The following EPHA6 variants were observed in gnomAD, a reference collection of about 807,000 sequenced individuals.
EPHA6 encodes the protein ephrin type-A receptor 6.
A neutral mutation model predicts 112.0 loss-of-function variants in EPHA6; 50 were observed. That is an observed-to-expected ratio of 0.45 (90% CI 0.36 to 0.56). The LOEUF (loss-of-function observed/expected upper bound fraction) is 0.56. EPHA6 is among the 20% of genes least tolerant of loss of function. The pLI, the probability that EPHA6 is intolerant of heterozygous loss-of-function variation, is 0.00. For missense variants in EPHA6, 1,280 were observed against 1,417.4 expected (o/e 0.90, Z 1.56); for synonymous variants, 529 against 490.7 (o/e 1.08, Z -1.03).
intron 3 of EPHA6, among the ~76,000 whole-genome samples, chr3:97,089,106 A>G (rs182255856): frequency 1.4e-4 from 22 of 152,270 alleles, no homozygotes; most frequent in African/African-American, 5.3e-4. Context: ...CTAATGTGGC[A>G]GAGTGGTCAC....
At chr3:97,004,072 C>G (rs2043783766) in intron 3 of EPHA6, among the ~76,000 whole-genome samples, 1 of 152,054 alleles carries the variant, frequency 6.6e-6, no homozygotes, top group Non-Finnish European at 1.5e-5. Flanking sequence ...GGTTCCATGT[C>G]TTTGCTATTG....
At chr3:97,288,064 A>AAAAAAAG (rs575159447) in intron 5 of EPHA6, among the ~76,000 whole-genome samples, 13 of 130,912 alleles carry the variant, frequency 9.9e-5, no homozygotes, top group South Asian at 7.2e-4. Context: ...GACGTAAAAA[A>AAAAAAAG]AAAAAAGAAA....
chr3:96,994,709 G>GTGTATATATATA (rs1363786371), intron 3 of EPHA6, among the ~76,000 whole-genome samples: 69 of 98,380 alleles, frequency 7.0e-4, no homozygotes, highest in African/African-American at 3.4e-3. Context: ...GTGTGTGTGT[G>GTGTATATATATA]TATATATATA....
chr3:97,382,132 T>C (rs1005433109), intron 5 of EPHA6, among the ~76,000 whole-genome samples: 1 of 152,090 alleles, frequency 6.6e-6, no homozygotes, highest in Non-Finnish European at 1.5e-5. Context: ...ATGTTTTAAA[T>C]GAGTCTGATA....
intron 3 of EPHA6, among the ~76,000 whole-genome samples, chr3:97,172,901 A>T (rs1354483116): frequency 1.3e-5 from 2 of 152,000 alleles, no homozygotes; most frequent in Non-Finnish European, 2.9e-5. Flanking sequence ...TTTATTGAGC[A>T]AACAGAATGC....
At chr3:96,916,869 A>G (rs1462400893) in intron 2 of EPHA6, among the ~76,000 whole-genome samples, 1 of 152,182 alleles carries the variant, frequency 6.6e-6, no homozygotes, top group African/African-American at 2.4e-5. Flanking sequence ...AACCAATACA[A>G]TTTGCAAAAT....
intron 11 of EPHA6, among the ~76,000 whole-genome samples, chr3:97,542,250 A>C (rs1577712866): frequency 6.6e-6 from 1 of 151,460 alleles, no homozygotes; most frequent in South Asian, 2.1e-4. Context: ...CTCTCCCCGC[A>C]CCCCACTACA....
intron 2 of EPHA6, among the ~76,000 whole-genome samples, chr3:96,922,454 A>AT (rs147427838): frequency 0.013 from 2,053 of 152,224 alleles, 50 homozygotes; most frequent in African/African-American, 0.045. Flanking sequence ...AATAGACTAC[A>AT]TTTTTCAGAT....
chr3:96,980,016 A>T (rs1210398989), intron 2 of EPHA6, among the ~76,000 whole-genome samples: 2 of 152,166 alleles, frequency 1.3e-5, no homozygotes, highest in South Asian at 2.1e-4. Context: ...GTTCACTCTG[A>T]TGGTGGTTTC....
intron 3 of EPHA6, among the ~76,000 whole-genome samples, chr3:97,197,300 G>A (rs1160748355): frequency 1.3e-5 from 2 of 151,794 alleles, no homozygotes; most frequent in African/African-American, 4.8e-5. Context: ...AGTCAGCGTG[G>A]CCCTGGATCT....
intron 1 of EPHA6, among the ~76,000 whole-genome samples, chr3:96,831,241 G>A (rs1238074410): frequency 1.3e-5 from 2 of 151,742 alleles, no homozygotes; most frequent in African/African-American, 2.4e-5. Context: ...TTATTAATTT[G>A]TCCTGTATGT....
intron 13 of EPHA6, among the ~76,000 whole-genome samples, chr3:97,614,513 T>TTA (rs1560192439): frequency 2.2e-4 from 23 of 102,308 alleles, no homozygotes; most frequent in African/African-American, 1.3e-3. Context: ...TTTTTTTTTT[T>TTA]TTTTTTTTTT....
At chr3:97,490,124 A>G (rs1273842108) in intron 10 of EPHA6, among the ~76,000 whole-genome samples, 2 of 152,214 alleles carry the variant, frequency 1.3e-5, no homozygotes. Flanking sequence ...AATAATGAGT[A>G]AATAAATGAA....
chr3:96,917,765 A>G (rs1413873376), intron 2 of EPHA6, among the ~76,000 whole-genome samples: 1 of 152,164 alleles, frequency 6.6e-6, no homozygotes, highest in Non-Finnish European at 1.5e-5. Flanking sequence ...AAAATGTCTC[A>G]CCAAACAAAA....
intron 5 of EPHA6, among the ~76,000 whole-genome samples, chr3:97,359,654 T>C (rs190205810): frequency 2.2e-4 from 33 of 152,278 alleles, no homozygotes; most frequent in Admixed American, 1.9e-3. Flanking sequence ...TCTTTGTATA[T>C]CTTATGATTT....
At chr3:97,534,621 G>A (rs1344472170) in intron 11 of EPHA6, among the ~76,000 whole-genome samples, 1 of 151,894 alleles carries the variant, frequency 6.6e-6, no homozygotes, top group Admixed American at 6.6e-5. Context: ...GATGTTAATT[G>A]CCCCTAAGAT....
intron 3 of EPHA6, among the ~76,000 whole-genome samples, chr3:97,001,972 T>C (rs1389287467): frequency 6.6e-6 from 1 of 152,020 alleles, no homozygotes; most frequent in Non-Finnish European, 1.5e-5. Context: ...ATAACTATTG[T>C]CTTGGATAGA....
At chr3:97,414,183 A>G (rs2087937743) in intron 6 of EPHA6, among the ~76,000 whole-genome samples, 1 of 152,074 alleles carries the variant, frequency 6.6e-6, no homozygotes, top group African/African-American at 2.4e-5. Flanking sequence ...TGAAATAGGA[A>G]AATTAAATTG....
intron 15 of EPHA6, among the ~76,000 whole-genome samples, chr3:97,727,781 G>A (rs368535735): frequency 4.6e-5 from 7 of 151,856 alleles, no homozygotes; most frequent in South Asian, 4.2e-4. Context: ...ATAGGCTATC[G>A]CAGTATTTTA....
Sources: allele counts gnomAD v4.1 joint callset (sites outside exome capture counted in the v4.1 genomes callset), GRCh38; gene constraint gnomAD v4.1.1; transcripts MANE v1.5; gene names NCBI Gene and HGNC (gene_info 2026-07-23, HGNC 2026-07-21).